Variants in FAF1 observed in about 807,000 individuals in gnomAD.
FAF1 encodes the protein Fas associated factor 1.
Under a neutral mutation model 92.5 loss-of-function variants are expected in FAF1, and 25 were observed. The ratio of observed to expected loss-of-function variants is 0.27; its 90% confidence interval spans 0.20 to 0.38. The LOEUF (loss-of-function observed/expected upper bound fraction) is 0.38. Ranked by LOEUF, FAF1 falls within the 10% of genes least tolerant of loss-of-function variation. The probability of loss-of-function intolerance (pLI) is 1.00; values close to 1 mark genes in which losing one functional copy is unlikely to be tolerated. For synonymous variants in FAF1, 234 were observed against 273.2 expected (o/e 0.86, Z 1.42); for missense variants, 636 against 793.3 (o/e 0.80, Z 2.38).
intron 7 of FAF1, among the ~76,000 whole-genome samples, 174 bp downstream of exon 7, chr1:50,705,612 C>T (rs1320752541): frequency 9.9e-5 from 15 of 152,126 alleles, no homozygotes; most frequent in Admixed American, 9.8e-4. Flanking sequence ...CTTTCTAGGT[C>T]AAGTCATTTA....
At chr1:50,485,698 C>G (rs926074387) in intron 17 of FAF1, among the ~76,000 whole-genome samples, 1 of 115,896 alleles carries the variant, frequency 8.6e-6, no homozygotes, top group African/African-American at 3.5e-5. Context: ...AAAAAAAAAC[C>G]AAAAAAACAA....
chr1:50,620,414 G>C (rs1653138869), intron 8 of FAF1, among the ~76,000 whole-genome samples: 1 of 152,184 alleles, frequency 6.6e-6, no homozygotes, highest in Non-Finnish European at 1.5e-5. Context: ...TAGAAATTCA[G>C]TTTGGTTCTT....
chr1:50,910,711 G>C (rs1011333718), intron 1 of FAF1, among the ~76,000 whole-genome samples: 1 of 151,794 alleles, frequency 6.6e-6, no homozygotes, highest in African/African-American at 2.4e-5. Flanking sequence ...CTGGTGTGCC[G>C]TTCGCTAAGA....
chr1:50,885,954 AAAG>A (rs1462489513), intron 1 of FAF1, among the ~76,000 whole-genome samples: 2 of 152,224 alleles, frequency 1.3e-5, no homozygotes, highest in South Asian at 2.1e-4. Context: ...TAAACAAAAA[AAAG>A]AAGCAAAAAG....
chr1:50,876,939 AAAAT>A (rs1219069928), intron 1 of FAF1, among the ~76,000 whole-genome samples: 2 of 152,256 alleles, frequency 1.3e-5, no homozygotes, highest in Admixed American at 6.5e-5. Context: ...CCTAAATTAT[AAAAT>A]AAATATCCAT....
intron 1 of FAF1, among the ~76,000 whole-genome samples, chr1:50,863,822 C>T (rs892785183): frequency 6.6e-6 from 1 of 152,060 alleles, no homozygotes; most frequent in Non-Finnish European, 1.5e-5. Context: ...GGCTGTGAAT[C>T]CATCTGGTCC....
chr1:50,482,095 C>T (rs1465478007), intron 17 of FAF1, among the ~76,000 whole-genome samples: 1 of 152,046 alleles, frequency 6.6e-6, no homozygotes, highest in Non-Finnish European at 1.5e-5. Flanking sequence ...GCATAAGTAC[C>T]ATCACCAACA....
At chr1:50,472,165 G>A (rs1161589799) in intron 18 of FAF1, among the ~76,000 whole-genome samples, 1 of 151,960 alleles carries the variant, frequency 6.6e-6, no homozygotes, top group Non-Finnish European at 1.5e-5. Flanking sequence ...TCAGAGACAG[G>A]AGTTGGCCTA....
intron 1 of FAF1, among the ~76,000 whole-genome samples, chr1:50,927,772 C>G (rs1021208133): frequency 3.3e-5 from 5 of 152,136 alleles, no homozygotes; most frequent in Non-Finnish European, 5.9e-5. Flanking sequence ...ATCAAGGTGT[C>G]AGCAGTTTGC....
intron 15 of FAF1, among the ~76,000 whole-genome samples, chr1:50,526,476 T>A (rs1002480843): frequency 1.9e-4 from 29 of 151,868 alleles, no homozygotes; most frequent in African/African-American, 6.3e-4. Flanking sequence ...AATTTTAAAA[T>A]TTTTTTCATA....
chr1:50,898,580 A>G (rs1385135721), intron 1 of FAF1, among the ~76,000 whole-genome samples: 1 of 152,186 alleles, frequency 6.6e-6, no homozygotes. Context: ...ACAATGAAAA[A>G]ATAAAAGATA....
chr1:50,779,959 T>C (rs1661103935), intron 4 of FAF1, among the ~76,000 whole-genome samples: 1 of 144,946 alleles, frequency 6.9e-6, no homozygotes, highest in East Asian at 2.0e-4. Flanking sequence ...AATCAAAGCA[T>C]ATCACTACAA....
intron 16 of FAF1, among the ~76,000 whole-genome samples, chr1:50,491,459 T>C (rs766504952): frequency 2.6e-5 from 4 of 152,240 alleles, no homozygotes; most frequent in Non-Finnish European, 4.4e-5. Context: ...CAAAAATTGC[T>C]GGTTTCTATC....
chr1:50,655,313 T>C (rs1655057694), intron 8 of FAF1, 129 bp downstream of exon 8: 1 of 722,870 alleles, frequency 1.4e-6, no homozygotes, highest in Admixed American at 2.2e-5. Context: ...TGAGCCACCG[T>C]GCCTGGCTAG....
rs1661425542 is a variant in FAF1, at chr1:50,788,029, T to A, written c.338A>T (p.Asp113Val). The change falls in exon 4 of 19, where the codon GAT (aspartate) becomes GTT (valine). Residue 113 changes from aspartate (D) to valine (V), a missense_variant. Coordinates refer to ENST00000396153, the MANE Select transcript of FAF1 (RefSeq NM_007051.3). ...FRVEYRDRNV[D>V]VVLEDTCTVG... ...AGTACAGGTGTCTTCAAGTACCACA[T>A]CAACATTTCTGTCTCTGTATTCAAC... 3 of 1,614,132 alleles carry A rather than the reference T, an allele frequency of 1.9e-6. No homozygotes were observed. The highest frequency in any genetic ancestry group is 2.5e-6 in the Non-Finnish European group (3 of 1,180,018).
intron 7 of FAF1, among the ~76,000 whole-genome samples, chr1:50,685,639 C>A (rs764015437): frequency 1.3e-5 from 2 of 152,194 alleles, no homozygotes; most frequent in Non-Finnish European, 2.9e-5. Context: ...GTTGCACAGC[C>A]AGGAGATGCC....
chr1:50,509,954 G>A (rs1006872429), intron 15 of FAF1, among the ~76,000 whole-genome samples: 3 of 152,040 alleles, frequency 2.0e-5, no homozygotes, highest in African/African-American at 7.2e-5. Flanking sequence ...GATTGCCTGA[G>A]CTCAGGAGTT....
chr1:50,680,699 G>T (rs1409026516), intron 7 of FAF1, among the ~76,000 whole-genome samples: 8 of 151,524 alleles, frequency 5.3e-5, no homozygotes. Flanking sequence ...AAAAAAGAAA[G>T]AAAGAAAATC....
chr1:50,719,000 T>A (rs1313390154), intron 6 of FAF1, among the ~76,000 whole-genome samples: 1 of 152,234 alleles, frequency 6.6e-6, no homozygotes, highest in African/African-American at 2.4e-5. Context: ...GTAAATGTAA[T>A]GTTTGTTGTA....
Sources: allele counts gnomAD v4.1 joint callset (sites outside exome capture counted in the v4.1 genomes callset), GRCh38; gene constraint gnomAD v4.1.1; transcripts MANE v1.5; gene names NCBI Gene and HGNC (gene_info 2026-07-23, HGNC 2026-07-21).